Variants in NPFFR2 observed in about 807,000 individuals in gnomAD.
NPFFR2 encodes the protein neuropeptide FF receptor 2, also known as G-protein coupled receptor 74.
A neutral mutation model predicts 13.1 loss-of-function variants in NPFFR2; 15 were observed. The observed-to-expected ratio is 1.15, with a 90% CI of 0.77 to 1.76. The LOEUF is 1.76. Ranked by LOEUF, NPFFR2 falls within the 40% of genes most tolerant of loss-of-function variation. NPFFR2 has a pLI of 0.00. For missense variants in NPFFR2, 572 were observed against 503.5 expected, an observed-to-expected ratio of 1.14 and a Z score of -1.30; for synonymous variants, 190 against 175.7, an observed-to-expected ratio of 1.08 and a Z score of -0.65.
intron 1 of NPFFR2, among the ~76,000 whole-genome samples, chr4:72,049,950 T>C (rs1719494524): frequency 6.6e-6 from 1 of 152,018 alleles, no homozygotes; most frequent in Non-Finnish European, 1.5e-5. Flanking sequence ...AAGTGACTTG[T>C]GGAAAGCCCC....
At chr4:72,035,144 C>T (rs1042108019) in intron 1 of NPFFR2, among the ~76,000 whole-genome samples, 2 of 152,212 alleles carry the variant, frequency 1.3e-5, no homozygotes, top group Non-Finnish European at 2.9e-5. Flanking sequence ...CTTGCTTTGC[C>T]ATTTGAGAGC....
At chr4:72,106,428 A>T (rs1721421153) in intron 1 of NPFFR2, among the ~76,000 whole-genome samples, 2 of 152,060 alleles carry the variant, frequency 1.3e-5, no homozygotes, top group Admixed American at 6.6e-5. Flanking sequence ...TCTCACGGCC[A>T]AGGAAAGAGC....
At chr4:72,137,722 T>C (rs1722460709) in intron 2 of NPFFR2, among the ~76,000 whole-genome samples, 1 of 152,174 alleles carries the variant, frequency 6.6e-6, no homozygotes, top group South Asian at 2.1e-4. Context: ...TATTTGTTTA[T>C]TTGTTACCTC....
chr4:72,090,132 TTAAG>T (rs1475403093), intron 1 of NPFFR2, among the ~76,000 whole-genome samples: 1 of 152,002 alleles, frequency 6.6e-6, no homozygotes, highest in Non-Finnish European at 1.5e-5. Flanking sequence ...CCAGTTGGCT[TTAAG>T]TATGTGGCTT....
intron 1 of NPFFR2, among the ~76,000 whole-genome samples, chr4:72,077,755 TTTAA>T: frequency 6.6e-6 from 1 of 152,296 alleles, no homozygotes; most frequent in South Asian, 2.1e-4. Context: ...TTCTTGGGGC[TTTAA>T]TTTTCACTTG....
intron 1 of NPFFR2, among the ~76,000 whole-genome samples, chr4:72,073,117 A>G (rs983731930): frequency 6.6e-6 from 1 of 152,070 alleles, no homozygotes; most frequent in Admixed American, 6.6e-5. Context: ...TCAAACTTCT[A>G]AAAGAGCAAA....
At chr4:72,129,105 A>G (rs1327918275) in intron 2 of NPFFR2, among the ~76,000 whole-genome samples, 186 bp downstream of exon 2, 2 of 152,182 alleles carry the variant, frequency 1.3e-5, no homozygotes, top group Non-Finnish European at 2.9e-5. Flanking sequence ...AAATAATTAT[A>G]TTAGAGAATG....
intron 1 of NPFFR2, among the ~76,000 whole-genome samples, chr4:72,055,298 G>GTAA (rs137936400): frequency 0.89 from 135,055 of 151,584 alleles, 61,270 homozygotes; most frequent in Non-Finnish European, 0.98. Flanking sequence ...GGTAATTCTT[G>GTAA]TGATAATAAA....
chr4:72,080,147 G>T (rs2109792030), intron 1 of NPFFR2, among the ~76,000 whole-genome samples: 2 of 29,898 alleles, frequency 6.7e-5, no homozygotes, highest in African/African-American at 1.1e-4. Flanking sequence ...TTTTGTTGTT[G>T]TTGTTGTTGT....
At chr4:72,045,952 A>G (rs11724132) in intron 1 of NPFFR2, among the ~76,000 whole-genome samples, 135,359 of 152,130 alleles carry the variant, frequency 0.89, 61,363 homozygotes, top group Non-Finnish European at 0.98. Context: ...TTAAAAATGT[A>G]TATGCCCTAT....
At chr4:72,094,006 C>A (rs754092298) in intron 1 of NPFFR2, among the ~76,000 whole-genome samples, 2 of 152,094 alleles carry the variant, frequency 1.3e-5, no homozygotes, top group African/African-American at 4.8e-5. Flanking sequence ...TGTTCAGATT[C>A]TTTTGTCCCA....
intron 1 of NPFFR2, among the ~76,000 whole-genome samples, chr4:72,090,312 T>C (rs151189071): frequency 6.6e-6 from 1 of 152,226 alleles, no homozygotes; most frequent in East Asian, 1.9e-4. Context: ...GCAGGGTCTT[T>C]TTTGGTTCCA....
chr4:72,091,566 T>C (rs149113092), intron 1 of NPFFR2, among the ~76,000 whole-genome samples: 1,871 of 152,200 alleles, frequency 0.012, 15 homozygotes, highest in Middle Eastern at 0.024. Flanking sequence ...TCTAGGAGGG[T>C]TGTACATATC....
intron 1 of NPFFR2, among the ~76,000 whole-genome samples, chr4:72,121,581 A>T (rs1560417398): frequency 6.6e-6 from 1 of 152,222 alleles, no homozygotes; most frequent in South Asian, 2.1e-4. Flanking sequence ...GCAAGAAGAG[A>T]GTAGGGGCCA....
At chr4:72,086,741 C>G (rs1010177103) in intron 1 of NPFFR2, among the ~76,000 whole-genome samples, 1 of 151,796 alleles carries the variant, frequency 6.6e-6, no homozygotes, top group African/African-American at 2.4e-5. Flanking sequence ...TAATGGATCC[C>G]CTTAAATAAA....
rs116169315 is a variant in NPFFR2 at position 72,050,097 on chromosome 4, A to G, written c.-8+17897A>G. Among the ~76,000 whole-genome samples the G allele has an allele frequency of 3.8e-3, 583 of 152,136 alleles. 3 individuals are homozygous for G. Among genetic ancestry groups the G allele is most frequent in the African/African-American group, 0.014 (561 of 41,520 alleles). On this transcript the variant is annotated intron_variant, in intron 1 of 3. Coordinates refer to ENST00000308744, the MANE Select transcript of NPFFR2 (RefSeq NM_004885.3). ...TTAATCATTAGTGGCCAATGATTTA[A>G]CAAATCATGCCTATGTAATGAATAT...
At chr4:72,119,307 T>C (rs1721800967) in intron 1 of NPFFR2, among the ~76,000 whole-genome samples, 1 of 152,196 alleles carries the variant, frequency 6.6e-6, no homozygotes, top group African/African-American at 2.4e-5. Flanking sequence ...GAGGAGTTGG[T>C]CTCATATATG....
At chr4:72,110,728 C>T (rs538217684) in intron 1 of NPFFR2, among the ~76,000 whole-genome samples, 6 of 151,962 alleles carry the variant, frequency 3.9e-5, no homozygotes, top group South Asian at 2.1e-4. Flanking sequence ...TGAACTCTTT[C>T]ATTTCTGCAG....
intron 1 of NPFFR2, among the ~76,000 whole-genome samples, chr4:72,095,644 G>A (rs1295384023): frequency 6.6e-6 from 1 of 152,168 alleles, no homozygotes; most frequent in Non-Finnish European, 1.5e-5. Flanking sequence ...AATTCTGGCT[G>A]GTGGGGAGAG....
Sources: allele counts gnomAD v4.1 joint callset (sites outside exome capture counted in the v4.1 genomes callset), GRCh38; gene constraint gnomAD v4.1.1; transcripts MANE v1.5; gene names NCBI Gene and HGNC (gene_info 2026-07-23, HGNC 2026-07-21).